CNBD1: variants seen among roughly 807,000 people sequenced by gnomAD.
CNBD1 encodes cyclic nucleotide-binding domain-containing protein 1.
Under a neutral mutation model 54.4 loss-of-function variants are expected in CNBD1, and 71 were observed. The observed-to-expected ratio is 1.30, with a 90% CI of 1.08 to 1.59. CNBD1 has a LOEUF of 1.59. CNBD1 is among the 40% of genes most tolerant of loss of function. CNBD1 has a pLI of 0.00. For missense variants in CNBD1, 659 were observed against 518.0 expected (o/e 1.27, Z -2.64); for synonymous variants, 182 against 170.7 (o/e 1.07, Z -0.51).
At chr8:87,388,386 C>T (rs896240085) in intron 2 of CNBD1, among the ~76,000 whole-genome samples, 4 of 151,492 alleles carry the variant, frequency 2.6e-5, no homozygotes, top group African/African-American at 9.7e-5. Context: ...AGAGAAGAAT[C>T]AAATAGACAC....
chr8:87,069,396 T>C (rs1399096545), intron 4 of CNBD1, among the ~76,000 whole-genome samples: 2 of 152,114 alleles, frequency 1.3e-5, no homozygotes, highest in Non-Finnish European at 2.9e-5. Context: ...ATTTTTACTG[T>C]AACCTTTTCT....
At chr8:87,394,144 A>T (rs1470886823) in intron 2 of CNBD1, among the ~76,000 whole-genome samples, 1 of 151,928 alleles carries the variant, frequency 6.6e-6, no homozygotes, top group Non-Finnish European at 1.5e-5. Context: ...CCCACATAGA[A>T]TATTTTATGA....
chr8:87,134,426 T>TTAATATAA (rs1812183789), intron 4 of CNBD1, among the ~76,000 whole-genome samples: 1 of 152,068 alleles, frequency 6.6e-6, no homozygotes, highest in East Asian at 1.9e-4. Context: ...TTGCTTTGTT[T>TTAATATAA]CTTAATATAA....
intron 4 of CNBD1, among the ~76,000 whole-genome samples, chr8:87,100,029 A>G (rs1811397393): frequency 6.6e-6 from 1 of 152,208 alleles, no homozygotes; most frequent in Non-Finnish European, 1.5e-5. Context: ...AGAAGTGTCC[A>G]GTTAGGTAAG....
intron 2 of CNBD1, among the ~76,000 whole-genome samples, chr8:87,405,380 TACAA>T (rs1473513179): frequency 6.6e-6 from 1 of 152,132 alleles, no homozygotes; most frequent in African/African-American, 2.4e-5. Flanking sequence ...TAGTATTATT[TACAA>T]ACAGATGATT....
intron 4 of CNBD1, among the ~76,000 whole-genome samples, chr8:87,136,185 A>T (rs1183245230): frequency 6.6e-6 from 1 of 152,028 alleles, no homozygotes; most frequent in Non-Finnish European, 1.5e-5. Context: ...ATAAGGGAAT[A>T]CTTGATTCTT....
intron 8 of CNBD1, among the ~76,000 whole-genome samples, chr8:87,298,248 A>T (rs1026883419): frequency 1.3e-5 from 2 of 152,050 alleles, no homozygotes; most frequent in Non-Finnish European, 2.9e-5. Context: ...TATAGTTTAA[A>T]AATTATATAG....
chr8:86,891,745 A>G (rs552614441), intron 2 of CNBD1, among the ~76,000 whole-genome samples: 6 of 151,904 alleles, frequency 3.9e-5, no homozygotes, highest in Non-Finnish European at 5.9e-5. Flanking sequence ...TTACGTTTTC[A>G]ATTTCTTTCA....
chr8:87,060,061 G>T (rs1278169792), intron 4 of CNBD1, among the ~76,000 whole-genome samples: 1 of 152,190 alleles, frequency 6.6e-6, no homozygotes, highest in Admixed American at 6.5e-5. Context: ...CTGGGAAGTT[G>T]CCCAGCCCTT....
intron 4 of CNBD1, among the ~76,000 whole-genome samples, chr8:87,130,776 CAA>C (rs1178214720): frequency 3.1e-4 from 31 of 99,318 alleles, no homozygotes; most frequent in South Asian, 3.3e-4. Flanking sequence ...GATCCTGTCT[CAA>C]AAAAAAAAAA....
intron 6 of CNBD1, among the ~76,000 whole-genome samples, chr8:87,271,396 T>C (rs1277141558): frequency 6.6e-6 from 1 of 152,028 alleles, no homozygotes; most frequent in Non-Finnish European, 1.5e-5. Flanking sequence ...TATGAACTTA[T>C]CTCTTAATAC....
intron 4 of CNBD1, among the ~76,000 whole-genome samples, chr8:87,063,527 AC>A (rs1436292467): frequency 1.3e-5 from 2 of 151,956 alleles, no homozygotes; most frequent in Non-Finnish European, 2.9e-5. Flanking sequence ...CAGTTACTTA[AC>A]TTTTTAATTA....
At chr8:87,159,619 A>G (rs1812814756) in intron 4 of CNBD1, among the ~76,000 whole-genome samples, 1 of 152,220 alleles carries the variant, frequency 6.6e-6, no homozygotes, top group Admixed American at 6.5e-5. Flanking sequence ...CCAGTATCAC[A>G]TCTGCTATAG....
chr8:87,248,284 A>G (rs939351343), intron 6 of CNBD1, among the ~76,000 whole-genome samples: 1 of 152,202 alleles, frequency 6.6e-6, no homozygotes, highest in African/African-American at 2.4e-5. Context: ...TTATAGTGCT[A>G]GCTGAAAAAG....
intron 3 of CNBD1, among the ~76,000 whole-genome samples, chr8:86,909,783 T>C (rs1038425121): frequency 6.6e-6 from 1 of 152,228 alleles, no homozygotes; most frequent in Non-Finnish European, 1.5e-5. Context: ...TTATGATGCT[T>C]GTAGTTTAAA....
chr8:87,419,430 C>G (rs10098754), intron 2 of CNBD1, among the ~76,000 whole-genome samples: 85,885 of 151,602 alleles, frequency 0.57, 25,832 homozygotes, highest in African/African-American at 0.77. Context: ...TGTTTAAAGG[C>G]GTGAATTTTA....
At chr8:87,223,698 A>G (rs1486760511) in intron 5 of CNBD1, among the ~76,000 whole-genome samples, 1 of 151,986 alleles carries the variant, frequency 6.6e-6, no homozygotes, top group Admixed American at 6.6e-5. Context: ...GCCGCAATAA[A>G]CATACGTGTG....
At chr8:87,059,986 C>A (rs1810508328) in intron 4 of CNBD1, among the ~76,000 whole-genome samples, 2 of 152,212 alleles carry the variant, frequency 1.3e-5, no homozygotes. Flanking sequence ...GCCTTAGAAG[C>A]CTGCCCTAGG....
intron 4 of CNBD1, among the ~76,000 whole-genome samples, chr8:87,156,322 G>T (rs1812740779): frequency 1.0e-5 from 1 of 97,416 alleles, no homozygotes; most frequent in Non-Finnish European, 2.2e-5. Context: ...TCTACTTACT[G>T]CAACCTCTGC....
Sources: allele counts gnomAD v4.1 joint callset (sites outside exome capture counted in the v4.1 genomes callset), GRCh38; gene constraint gnomAD v4.1.1; transcripts MANE v1.5; gene names NCBI Gene and HGNC (gene_info 2026-07-23, HGNC 2026-07-21).